Variants in KIF20A observed in about 807,000 individuals in gnomAD.
KIF20A encodes kinesin family member 20A.
KIF20A carries 66 observed loss-of-function variants against 113.0 expected under a neutral mutation model. The ratio of observed to expected loss-of-function variants is 0.58; its 90% CI spans 0.48 to 0.72. The LOEUF (loss-of-function observed/expected upper bound fraction) is 0.72, where lower values mean the gene tolerates loss of function less well. Among genes scored for constraint, KIF20A ranks in the 30% least tolerant of loss-of-function variants. KIF20A has a pLI of 0.00. For missense variants in KIF20A, 927 were observed against 1,077.6 expected (o/e 0.86, Z 1.96); for synonymous variants, 376 against 402.3 (o/e 0.93, Z 0.78).
Position 138,182,598 on chromosome 5 carries a change from A to G in KIF20A, c.527A>G (p.Asp176Gly). ...CATATGCCTCCAGGTACCATCAAGG[A>G]TGGAGGGATTCTCCCCCGGTCCCTG... ...KTHTIQGTIK[D>G]GGILPRSLAL... The change falls in exon 6 of 19, where the codon GAT becomes GGT. Residue 176 changes from aspartate (D) to glycine (G), a missense_variant. Asp to Gly is a moderately conservative substitution (Grantham distance 94). Transcript: ENST00000394894. 1 of 1,614,186 alleles carries G rather than the reference A, an allele frequency of 6.2e-7. No individual in the cohort carries two copies. Among genetic ancestry groups the G allele is most frequent in the East Asian group, 2.2e-5 (1 of 44,882 alleles).
chr5:138,184,890 A>G lies in KIF20A; in HGVS notation c.1767A>G (p.Arg589=). 6.2e-7 allele frequency: 1 copy of G among 1,614,138 alleles called. No homozygotes were observed. The change falls in exon 14 of 19, where the codon CGA becomes CGG. Residue 589 remains arginine, a synonymous_variant. Coordinates refer to ENST00000394894, the MANE Select transcript of KIF20A (RefSeq NM_005733.3). ...QEKLQLEMHL[R]DEICNEMVEQ... ...AGCTACAGCTGGAGATGCATCTCCG[A>G]GATGAAATTTGCAATGAGATGGTAG...
rs1754703023 is a variant in KIF20A at position 138,184,022 on chromosome 5, G to A, written c.1269G>A (p.Arg423=). Residue 423 remains arginine (R), a synonymous_variant, in exon 11 of 19, where the codon CGG becomes CGA. Coordinates refer to ENST00000394894, the MANE Select transcript of KIF20A (RefSeq NM_005733.3). ...ERCKDQKSGE[R]LKEAGNINTS... ...GCAAAGATCAGAAGAGTGGTGAACG[G>A]TTGAAGGAAGCAGGAAACATTAACA... is the stretch of plus-strand genomic sequence containing the variant. 1 of 1,614,094 alleles carries A rather than the reference G, an allele frequency of 6.2e-7. No homozygotes were observed. The highest frequency in any genetic ancestry group is 1.3e-5 in the African/African-American group (1 of 74,930).
rs771022693 is a variant in KIF20A, at chr5:138,187,428, A to G, written c.*15A>G. 1 of 1,605,002 alleles carries G rather than the reference A, an allele frequency of 6.2e-7. No homozygotes were observed. The highest frequency in any genetic ancestry group is 1.7e-5 in the Admixed American group (1 of 59,256). On this transcript the variant is annotated 3_prime_UTR_variant, in exon 19 of 19. Coordinates refer to ENST00000394894, the MANE Select transcript of KIF20A (RefSeq NM_005733.3). ...AAAAGTACTAAGGCTGTGGGGAAAG[A>G]GAAGAGCAGTCATGGCCCTGAGGTG...
intron 6 of KIF20A, 43 bp downstream of exon 6, chr5:138,182,816 A>C: frequency 6.2e-7 from 1 of 1,613,588 alleles, no homozygotes. Context: ...GGGGGTACAA[A>C]TCTCGGGGAA....
intron 4 of KIF20A, 51 bp from the exon 5 acceptor site, chr5:138,182,272 G>A (rs576123511): frequency 1.9e-6 from 3 of 1,589,526 alleles, no homozygotes; most frequent in Non-Finnish European, 2.6e-6. Flanking sequence ...CTGCACAGGA[G>A]GCAAGTGGGA....
Position 138,184,254 on chromosome 5 carries a change from G to C in KIF20A, c.1368G>C (p.Leu456=). 6.2e-7 allele frequency: 1 copy of C among 1,614,142 alleles called. No homozygotes were observed. Among genetic ancestry groups the C allele is most frequent in the East Asian group, 2.2e-5 (1 of 44,882 alleles). ...QNQQNRSKQN[L]VPFRDSKLTR... ...TCTCTGCCAGGTCAAAGCAGAACCT[G>C]GTTCCCTTCCGTGACAGCAAGTTGA... The change falls in exon 12 of 19, where the codon CTG becomes CTC. Residue 456 remains leucine (L), a synonymous_variant. Transcript: ENST00000394894.
chr5:138,181,839 C>T, intron 4 of KIF20A, 111 bp downstream of exon 4: 1 of 1,284,132 alleles, frequency 7.8e-7, no homozygotes, highest in Non-Finnish European at 1.1e-6. Context: ...TATATGCACA[C>T]CTACAATTTT....
intron 2 of KIF20A, 152 bp downstream of exon 2, chr5:138,179,997 G>GA (rs1754620118): frequency 2.9e-6 from 2 of 683,652 alleles, no homozygotes; most frequent in Admixed American, 3.9e-5. Flanking sequence ...GCTATGAAAA[G>GA]AAAAAAAGAA....
In KIF20A at chr5:138,182,895, A is replaced by G; in HGVS notation, c.737A>G (p.Tyr246Cys). The G allele has an allele frequency of 6.2e-7, 1 of 1,614,194 alleles. No individual in the cohort carries two copies. Among genetic ancestry groups the G allele is most frequent in the Non-Finnish European group, 8.5e-7 (1 of 1,180,028 alleles). Reference protein sequence around the residue: ...ELSTSLKRSVYIESRIGTSTS... With the variant: ...ELSTSLKRSVCIESRIGTSTS... ...TCCACTTCCTTGAAGAGGAGTGTCT[A>G]CATCGAAAGTCGGATAGGTACCAGC... is the stretch of plus-strand genomic sequence containing the variant. Residue 246 changes from tyrosine to cysteine, a missense_variant, in exon 7 of 19, where the codon TAC (tyrosine) becomes TGC (cysteine). Tyr to Cys is a radical substitution (Grantham distance 194). Transcript: ENST00000394894.
At position 138,186,000 on chromosome 5, in the gene KIF20A, C is replaced by G. The variant is rs200621216; in HGVS notation, c.2165C>G (p.Ser722Ter). The change falls in exon 17 of 19, where the codon TCA becomes TGA. Residue 722 changes from serine (S) to a stop codon, truncating the protein, a stop_gained. Transcript: ENST00000394894. LOFTEE classifies it high-confidence loss of function. ...CAGAAAATGTTAGAACCACCACCCTCAGCCAAGCCCTTCACCATTGATGTG... is the reference window on the plus strand; with the variant it reads ...CAGAAAATGTTAGAACCACCACCCTGAGCCAAGCCCTTCACCATTGATGTG... ...KYQKMLEPPP[S>*]AKPFTIDVDK... is the part of the protein sequence containing the mutation. The G allele has an allele frequency of 6.2e-7, 1 of 1,614,138 alleles. No individual in the cohort carries two copies. Among genetic ancestry groups the G allele is most frequent in the African/African-American group, 1.3e-5 (1 of 75,066 alleles).
rs377556004 is a variant in KIF20A at position 138,184,519 on chromosome 5, A to G, written c.1526A>G (p.His509Arg). The G allele has an allele frequency of 2.7e-5, 43 of 1,613,466 alleles. No homozygotes were observed. The highest frequency in any genetic ancestry group is 3.6e-5 in the Non-Finnish European group (42 of 1,179,546). Residue 509 changes from histidine (H) to arginine (R), a missense_variant, in exon 13 of 19, where the codon CAT (histidine) becomes CGT (arginine). By Grantham distance (29) the His-to-Arg change is conservative (BLOSUM62 0). Transcript: ENST00000394894. ...TATTTTTTTTCCCTCTAGCTTGTGC[A>G]TGCCCCACCTATGCAACTGGGATTC... The part of the protein sequence containing the change: ...KFSAIASQLV[H>R]APPMQLGFPS...
In KIF20A at chr5:138,185,594, C is replaced by G; in HGVS notation, c.2009C>G (p.Ser670Cys). The change falls in exon 16 of 19, where the codon TCT (serine) becomes TGT (cysteine). Residue 670 changes from serine (S) to cysteine (C), a missense_variant. Transcript: ENST00000394894. Reference sequence around the variant, plus strand: ...TCAGTGGCCCATCAGCAATCAGGGTCTGAATTGGCCCTACGGCGGTCACAA... The same window carrying G: ...TCAGTGGCCCATCAGCAATCAGGGTGTGAATTGGCCCTACGGCGGTCACAA... ...QQSVAHQQSG[S>C]ELALRRSQRL... The G allele has an allele frequency of 1.2e-6, 2 of 1,614,204 alleles. No homozygotes were observed. Among genetic ancestry groups the G allele is most frequent in the Non-Finnish European group, 1.7e-6 (2 of 1,180,034 alleles).
In KIF20A at chr5:138,185,079, CCT is replaced by C. The variant is rs747715427; in HGVS notation, c.1824-13_1824-12del. On this transcript the variant is annotated splice_polypyrimidine_tract_variant and intron_variant, in intron 14 of 18. Transcript: ENST00000394894. ...GAACCTTCACTTACCTCTCTTTTCT[CCT>C]CTGTTTCTGACAGTGAACATTTGGA... 1.9e-6 allele frequency: 3 copies of C among 1,606,390 alleles called. No homozygotes were observed. In the East Asian group the frequency reaches 6.7e-5, roughly 36 times the overall value.
chr5:138,185,123 T>C lies in KIF20A; in HGVS notation c.1852T>C (p.Leu618=), dbSNP rs368278547. 41 of 1,613,856 alleles carry C rather than the reference T, an allele frequency of 2.5e-5. No homozygotes were observed. The highest frequency in any genetic ancestry group is 1.6e-4 in the Middle Eastern group (1 of 6,062). ...SEHLDTQKEL[L]EEMYEEKLNI... is the part of the protein sequence containing the mutation. Reference sequence around the variant, plus strand: ...ACATTTGGACACCCAAAAGGAACTATTGGAGGAAATGTATGAAGAAAAACT... The same window carrying C: ...ACATTTGGACACCCAAAAGGAACTACTGGAGGAAATGTATGAAGAAAAACT... The change falls in exon 15 of 19, where the codon TTG becomes CTG. Residue 618 remains leucine, a synonymous_variant. Coordinates refer to ENST00000394894, the MANE Select transcript of KIF20A (RefSeq NM_005733.3).
rs1754708929 is a variant in KIF20A, at chr5:138,184,332, C to T, written c.1446C>T (p.Val482=). 6.2e-7 allele frequency: 1 copy of T among 1,614,046 alleles called. No homozygotes were observed. The highest frequency in any genetic ancestry group is 1.3e-5 in the African/African-American group (1 of 74,920). The change falls in exon 12 of 19, where the codon GTC becomes GTT. Residue 482 remains valine (V), a synonymous_variant. Transcript: ENST00000394894. The part of the protein sequence containing the change: ...FTGRGRSCMI[V]NVNPCASTYD... ...GCCGAGGCCGTTCCTGCATGATTGTCAATGTGAATCCCTGTGCATCTACCT... is the reference window on the plus strand; with the variant it reads ...GCCGAGGCCGTTCCTGCATGATTGTTAATGTGAATCCCTGTGCATCTACCT...
chr5:138,179,536 G>A (rs1028413052), intron 1 of KIF20A, 124 bp from the exon 2 acceptor site: 5 of 694,446 alleles, frequency 7.2e-6, no homozygotes, highest in Admixed American at 2.7e-5. Flanking sequence ...GCCGATAATT[G>A]GAGGGGAAAA....
At chr5:138,180,925 C>G (rs951223905) in intron 2 of KIF20A, among the ~76,000 whole-genome samples, 39 of 152,250 alleles carry the variant, frequency 2.6e-4, no homozygotes, top group African/African-American at 9.2e-4. Flanking sequence ...GATCCACCCT[C>G]TTTGGCCTCC....
rs1754738784 is a variant in KIF20A, at chr5:138,185,982, T to C, written c.2147T>C (p.Met716Thr). ...TTEELHKYQK[M>T]LEPPPSAKPF... ...TCAGAGTTGCATAAGTATCAGAAAATGTTAGAACCACCACCCTCAGCCAAG... is the reference window on the plus strand; with the variant it reads ...TCAGAGTTGCATAAGTATCAGAAAACGTTAGAACCACCACCCTCAGCCAAG... Residue 716 changes from methionine to threonine, a missense_variant, in exon 17 of 19, where the codon ATG becomes ACG. Transcript: ENST00000394894. 1.2e-6 allele frequency: 2 copies of C among 1,614,064 alleles called. No individual in the cohort carries two copies. Among genetic ancestry groups the C allele is most frequent in the East Asian group, 4.5e-5 (2 of 44,878 alleles).
intron 2 of KIF20A, among the ~76,000 whole-genome samples, chr5:138,180,082 T>C (rs1754624777): frequency 6.6e-6 from 1 of 152,216 alleles, no homozygotes; most frequent in Non-Finnish European, 1.5e-5. Context: ...TGCATTGCAT[T>C]AATGAAATAG....
Sources: gnomAD v4.1 joint callset for allele counts (sites outside exome capture counted in the v4.1 genomes callset) on GRCh38, gnomAD v4.1.1 for gene constraint, MANE v1.5 for transcripts, NCBI Gene and HGNC (gene_info 2026-07-23, HGNC 2026-07-21) for gene names.